TRIM23: variants seen among roughly 807,000 people sequenced by gnomAD.
TRIM23 encodes the protein tripartite motif containing 23.
Under a neutral mutation model 71.0 loss-of-function variants are expected in TRIM23, and 27 were observed. That is an observed-to-expected ratio of 0.38 (90% CI 0.28 to 0.52). The LOEUF (loss-of-function observed/expected upper bound fraction) is 0.52, where lower values mean the gene tolerates loss of function less well. Ranked by LOEUF, TRIM23 falls within the 20% of genes least tolerant of loss-of-function variation. TRIM23 has a pLI of 0.84. For missense variants in TRIM23, 482 were observed against 692.3 expected, an observed-to-expected ratio of 0.70 and a Z score of 3.41; for synonymous variants, 234 against 238.0, an observed-to-expected ratio of 0.98 and a Z score of 0.16.
chr5:65,601,843 G>A lies in TRIM23; in HGVS notation c.1179+3068C>T, dbSNP rs191695583. The stretch of plus-strand genomic sequence containing the variant: ...ATTCCACCCTCTGAAGCCACAGCCC[G>A]AGCTCTACATTGGCCCCTTTCAGCC... On this transcript the variant is annotated intron_variant, in intron 7 of 10. Transcript: ENST00000231524. Among the ~76,000 whole-genome samples the A allele has an allele frequency of 1.6e-3, 239 of 152,256 alleles. 1 individual carries two copies. The highest frequency in any genetic ancestry group is 5.6e-3 in the African/African-American group (234 of 41,550).
intron 5 of TRIM23, among the ~76,000 whole-genome samples, chr5:65,610,039 A>C (rs1447565718): frequency 2.6e-5 from 4 of 152,168 alleles, no homozygotes; most frequent in Non-Finnish European, 4.4e-5. Context: ...ATCACCTCTA[A>C]GTTACCTATC....
At chr5:65,613,885 C>T (rs1754715369) in intron 3 of TRIM23, 4 of 1,465,832 alleles carry the variant, frequency 2.7e-6, no homozygotes, top group Non-Finnish European at 3.6e-6. Context: ...AAAAAGTTCA[C>T]ACATAAAGCA....
At chr5:65,610,773 T>C (rs1754628286) in intron 5 of TRIM23, 88 bp downstream of exon 5, 1 of 1,186,452 alleles carries the variant, frequency 8.4e-7, no homozygotes. Context: ...TACTGGCAAA[T>C]TGTAATTGCC....
Position 65,590,887 on chromosome 5 carries a change from G to A in TRIM23, c.*882C>T, listed in dbSNP as rs1754002220. On this transcript the variant is annotated 3_prime_UTR_variant, in exon 11 of 11. Transcript: ENST00000231524. ...CTAGCTTTTAAATAAAGCCAACCCT[G>A]GTTCTGCGTTACTTACTACATTTTA... 2 of 985,282 alleles carry A rather than the reference G, an allele frequency of 2.0e-6. No individual in the cohort carries two copies. The highest frequency in any genetic ancestry group is 2.4e-6 in the Non-Finnish European group (2 of 829,914). 61.0% of individuals were successfully genotyped at this position (985,282 alleles called of 1,614,324 possible).
chr5:65,611,881 T>C lies in TRIM23; in HGVS notation c.367A>G (p.Ser123Gly). The change falls in exon 4 of 11, where the codon AGC (serine) becomes GGC (glycine). Residue 123 changes from serine (S) to glycine (G), a missense_variant and splice_region_variant. Transcript: ENST00000231524. ...AEESIGISGE[S>G]IIRCDEDEAH... is the part of the protein sequence containing the mutation. ...TCATCTTCATCACAACGAATGATGC[T>C]CTGATAAACAAAAAATTAATGCCTT... 6.2e-7 allele frequency: 1 copy of C among 1,605,616 alleles called. No homozygotes were observed. The highest frequency in any genetic ancestry group is 8.5e-7 in the Non-Finnish European group (1 of 1,173,352).
At chr5:65,621,156 T>C (rs987476145) in intron 1 of TRIM23, among the ~76,000 whole-genome samples, 21 of 152,070 alleles carry the variant, frequency 1.4e-4, no homozygotes, top group African/African-American at 5.1e-4. Context: ...ATTGAGACCA[T>C]CCTGGCTAAC....
At chr5:65,615,757 CAAA>C (rs1754761958) in intron 2 of TRIM23, among the ~76,000 whole-genome samples, 1 of 152,196 alleles carries the variant, frequency 6.6e-6, no homozygotes, top group African/African-American at 2.4e-5. Context: ...TGAATATATA[CAAA>C]TAAACCTCTA....
intron 7 of TRIM23, among the ~76,000 whole-genome samples, chr5:65,599,467 G>A (rs571411220): frequency 7.7e-4 from 117 of 152,092 alleles, no homozygotes; most frequent in Non-Finnish European, 1.3e-3. Flanking sequence ...AAGCAACTGC[G>A]GCTTTTGCCA....
intron 7 of TRIM23, among the ~76,000 whole-genome samples, chr5:65,598,618 G>A (rs1163065230): frequency 2.0e-5 from 3 of 152,024 alleles, no homozygotes; most frequent in African/African-American, 4.8e-5. Context: ...GCATGGTGGC[G>A]CACGCCTGTA....
chr5:65,619,317 G>A (rs1277963335), intron 1 of TRIM23, among the ~76,000 whole-genome samples: 1 of 152,058 alleles, frequency 6.6e-6, no homozygotes, highest in South Asian at 2.1e-4. Flanking sequence ...AGCGTCTACC[G>A]TAACACCCAA....
At chr5:65,621,659 T>C (rs1754950063) in intron 1 of TRIM23, among the ~76,000 whole-genome samples, 1 of 151,910 alleles carries the variant, frequency 6.6e-6, no homozygotes, top group South Asian at 2.1e-4. Context: ...AGCAAGAAAA[T>C]ATTTCCTCAG....
chr5:65,591,440 T>G lies in TRIM23; in HGVS notation c.*329A>C. ...CTTTTTTCACTGAAAGAATAAACCT[T>G]CACTTACCCTTTCTCTGTGACTACC... On this transcript the variant is annotated 3_prime_UTR_variant, in exon 11 of 11. Coordinates refer to ENST00000231524, the MANE Select transcript of TRIM23 (RefSeq NM_001656.4). 2 of 1,595,226 alleles carry G rather than the reference T, an allele frequency of 1.3e-6. No individual in the cohort carries two copies. Among genetic ancestry groups the G allele is most frequent in the Middle Eastern group, 1.7e-4 (1 of 5,876 alleles).
At chr5:65,606,672 A>G (rs1196262590) in intron 6 of TRIM23, among the ~76,000 whole-genome samples, 1 of 152,110 alleles carries the variant, frequency 6.6e-6, no homozygotes, top group African/African-American at 2.4e-5. Flanking sequence ...CTCAACTACA[A>G]TGTTCTTCTC....
At position 65,591,420 on chromosome 5, in the gene TRIM23, T is replaced by C. The variant is rs1318460742; in HGVS notation, c.*349A>G. On this transcript the variant is annotated 3_prime_UTR_variant, in exon 11 of 11. Coordinates refer to ENST00000231524, the MANE Select transcript of TRIM23 (RefSeq NM_001656.4). Reference sequence around the variant, plus strand: ...TAGGCACTCAATTGGCTATTCTTTTTTCACTGAAAGAATAAACCTTCACTT... The same window carrying C: ...TAGGCACTCAATTGGCTATTCTTTTCTCACTGAAAGAATAAACCTTCACTT... The C allele has an allele frequency of 6.3e-7, 1 of 1,589,152 alleles. No homozygotes were observed. The highest frequency in any genetic ancestry group is 8.6e-7 in the Non-Finnish European group (1 of 1,168,824).
intron 6 of TRIM23, among the ~76,000 whole-genome samples, chr5:65,606,595 G>A (rs926461359): frequency 6.6e-6 from 1 of 152,056 alleles, no homozygotes; most frequent in Middle Eastern, 3.4e-3. Context: ...CTCCAGTCAA[G>A]AGGCCTATTT....
At chr5:65,620,920 A>C (rs1329049994) in intron 1 of TRIM23, among the ~76,000 whole-genome samples, 2 of 151,376 alleles carry the variant, frequency 1.3e-5, no homozygotes, top group African/African-American at 4.9e-5. Flanking sequence ...TACAAAAAAA[A>C]ATCAAAAACT....
Position 65,611,820 on chromosome 5 carries a change from GCA to G in TRIM23, c.426_427del (p.Ala143AsnfsTer6). The G allele has an allele frequency of 6.2e-7, 1 of 1,614,136 alleles. No individual in the cohort carries two copies. Among genetic ancestry groups the G allele is most frequent in the Middle Eastern group, 1.7e-4 (1 of 6,060 alleles). On this transcript the variant is annotated frameshift_variant, in exon 4 of 11. Coordinates refer to ENST00000231524, the MANE Select transcript of TRIM23 (RefSeq NM_001656.4). LOFTEE classifies it high-confidence loss of function. ...AGAACACTCAGAGCACAAATGAGTT[GCA>G]CACACAGTGCAATATACAGAGGCAA...
Position 65,591,253 on chromosome 5 carries a change from T to C in TRIM23, c.*516A>G, listed in dbSNP as rs530206781. 7.7e-6 allele frequency: 10 copies of C among 1,303,372 alleles called. No homozygotes were observed. The African/African-American group carries it at 1.4e-4, about 18-fold the overall frequency. The allele number at this position is 1,303,372 out of a possible 1,614,324, so 80.7% of individuals were successfully genotyped here. On this transcript the variant is annotated 3_prime_UTR_variant, in exon 11 of 11. Coordinates refer to ENST00000231524, the MANE Select transcript of TRIM23 (RefSeq NM_001656.4). ...GTTAACTCTGAACATAAACATAAAGTAATCCTATTATCCAAATATGTAGTT... is the reference window on the plus strand; with the variant it reads ...GTTAACTCTGAACATAAACATAAAGCAATCCTATTATCCAAATATGTAGTT...
chr5:65,597,205 T>A, intron 7 of TRIM23, 25 bp from the exon 8 acceptor site: 2 of 1,610,610 alleles, frequency 1.2e-6, no homozygotes, highest in Non-Finnish European at 1.7e-6. Flanking sequence ...TTTTTAAATA[T>A]GTTTGACATG....
Sources: allele counts gnomAD v4.1 joint callset (sites outside exome capture counted in the v4.1 genomes callset), GRCh38; gene constraint gnomAD v4.1.1; transcripts MANE v1.5; gene names NCBI Gene and HGNC (gene_info 2026-07-23, HGNC 2026-07-21).